SPOCK1: variants seen among roughly 807,000 people sequenced by gnomAD.
SPOCK1 encodes testican-1.
In SPOCK1, 23 loss-of-function variants were observed where a neutral mutation model predicts 55.3. The observed-to-expected ratio is 0.42, with a 90% CI of 0.30 to 0.59. The LOEUF (loss-of-function observed/expected upper bound fraction) is 0.59. SPOCK1 is among the 20% of genes least tolerant of loss of function. SPOCK1 has a pLI of 0.22. For synonymous variants in SPOCK1, 226 were observed against 221.0 expected (o/e 1.02, Z -0.20); for missense variants, 499 against 552.5 (o/e 0.90, Z 0.97).
chr5:137,275,133 C>T (rs147928942), intron 2 of SPOCK1, among the ~76,000 whole-genome samples: 3 of 152,334 alleles, frequency 2.0e-5, no homozygotes, highest in African/African-American at 4.8e-5. Flanking sequence ...CTCCTTGGCA[C>T]ACCAAACAAA....
At chr5:137,419,561 C>G (rs1389460473) in intron 2 of SPOCK1, among the ~76,000 whole-genome samples, 1 of 152,270 alleles carries the variant, frequency 6.6e-6, no homozygotes, top group Admixed American at 6.5e-5. Flanking sequence ...CTCTTTGAAG[C>G]CATTGTGAAT....
chr5:137,160,654 A>C (rs1453519518), intron 3 of SPOCK1, among the ~76,000 whole-genome samples: 1 of 104,504 alleles, frequency 9.6e-6, no homozygotes, highest in Non-Finnish European at 1.8e-5. Context: ...ATTTTATATA[A>C]TATACAATAT....
intron 5 of SPOCK1, among the ~76,000 whole-genome samples, chr5:137,101,231 T>C (rs2127025510): frequency 6.6e-6 from 1 of 152,384 alleles, no homozygotes; most frequent in African/African-American, 2.4e-5. Context: ...TTAATTAGGC[T>C]TATAGCACTG....
At chr5:137,266,943 T>C (rs934822521) in intron 3 of SPOCK1, 67 bp downstream of exon 3, 10 of 1,430,076 alleles carry the variant, frequency 7.0e-6, no homozygotes, top group African/African-American at 5.7e-5. Flanking sequence ...TAACTCAGCA[T>C]GCAAGGAAGG....
At chr5:137,232,794 G>T (rs1258982504) in intron 3 of SPOCK1, among the ~76,000 whole-genome samples, 1 of 152,180 alleles carries the variant, frequency 6.6e-6, no homozygotes, top group Non-Finnish European at 1.5e-5. Context: ...TCTTTACCAT[G>T]TTAAGTCTCC....
At chr5:137,320,066 T>C (rs1757955506) in intron 2 of SPOCK1, among the ~76,000 whole-genome samples, 1 of 151,994 alleles carries the variant, frequency 6.6e-6, no homozygotes, top group Admixed American at 6.5e-5. Context: ...AACAGCTACA[T>C]TGAAATGGGT....
chr5:137,273,977 G>A (rs535358091), intron 2 of SPOCK1, among the ~76,000 whole-genome samples: 2 of 152,276 alleles, frequency 1.3e-5, no homozygotes, highest in Non-Finnish European at 2.9e-5. Context: ...CCAACACAAA[G>A]AGCTCCCTCT....
At chr5:137,159,916 T>C (rs1201444165) in intron 3 of SPOCK1, among the ~76,000 whole-genome samples, 1 of 152,202 alleles carries the variant, frequency 6.6e-6, no homozygotes, top group African/African-American at 2.4e-5. Flanking sequence ...CTATATTTTA[T>C]TGGAAATCTG....
At chr5:137,050,427 CT>C (rs959798542) in intron 6 of SPOCK1, among the ~76,000 whole-genome samples, 3 of 149,380 alleles carry the variant, frequency 2.0e-5, no homozygotes, top group Admixed American at 6.7e-5. Flanking sequence ...TCACCCCTTT[CT>C]TTGACTCGGA....
chr5:137,262,185 G>A (rs775251700), intron 3 of SPOCK1, among the ~76,000 whole-genome samples: 3 of 152,088 alleles, frequency 2.0e-5, no homozygotes, highest in African/African-American at 7.2e-5. Flanking sequence ...TTTTACAACA[G>A]CTTTGTGGTT....
chr5:137,121,967 A>C (rs574238184), intron 4 of SPOCK1, among the ~76,000 whole-genome samples: 98 of 147,282 alleles, frequency 6.7e-4, no homozygotes, highest in African/African-American at 2.3e-3. Flanking sequence ...TATATATATG[A>C]TGTCCAAGGA....
intron 2 of SPOCK1, among the ~76,000 whole-genome samples, chr5:137,286,378 G>A (rs781642433): frequency 1.3e-5 from 2 of 152,146 alleles, no homozygotes; most frequent in African/African-American, 2.4e-5. Flanking sequence ...CCCTGGCCAC[G>A]AGAGTCCACA....
chr5:137,335,706 C>T (rs1750256444), intron 2 of SPOCK1, among the ~76,000 whole-genome samples: 2 of 152,194 alleles, frequency 1.3e-5, no homozygotes, highest in East Asian at 3.9e-4. Context: ...CTGTATGTGT[C>T]CCCAGAAAGG....
At chr5:137,297,244 A>G (rs1757507017) in intron 2 of SPOCK1, among the ~76,000 whole-genome samples, 1 of 152,166 alleles carries the variant, frequency 6.6e-6, no homozygotes, top group Non-Finnish European at 1.5e-5. Flanking sequence ...ATCTCCCTTT[A>G]ATTAAGACTG....
rs1304173531 is a variant in SPOCK1, at chr5:137,152,861, A to C, written c.233-12167T>G. On this transcript the variant is annotated intron_variant, in intron 3 of 10. Coordinates refer to ENST00000394945, the MANE Select transcript of SPOCK1 (RefSeq NM_004598.4). ...TTCATGTCTCTTGAGCCTTGACTGC[A>C]CTGCTCAATACAAAATACCATTCCA... 2.0e-5 allele frequency among the ~76,000 whole-genome samples: 3 copies of C among 152,208 alleles called. No individual in the cohort carries two copies. In the East Asian group the frequency reaches 5.8e-4, roughly 29 times the overall value.
intron 4 of SPOCK1, among the ~76,000 whole-genome samples, chr5:137,134,116 C>A (rs1057071169): frequency 6.6e-6 from 1 of 152,138 alleles, no homozygotes; most frequent in African/African-American, 2.4e-5. Flanking sequence ...TCTAATCTTC[C>A]CCTTACTGGC....
chr5:137,320,075 G>A (rs1757955653), intron 2 of SPOCK1, among the ~76,000 whole-genome samples: 1 of 152,118 alleles, frequency 6.6e-6, no homozygotes. Flanking sequence ...ATTGAAATGG[G>A]TAACAAAAAG....
intron 3 of SPOCK1, among the ~76,000 whole-genome samples, chr5:137,234,550 G>T (rs1756136320): frequency 1.3e-5 from 2 of 152,160 alleles, no homozygotes; most frequent in Non-Finnish European, 2.9e-5. Flanking sequence ...ATACGATCTT[G>T]TCCAGGCCAT....
intron 2 of SPOCK1, among the ~76,000 whole-genome samples, chr5:137,278,589 A>G (rs1450536857): frequency 6.6e-6 from 1 of 151,704 alleles, no homozygotes; most frequent in East Asian, 1.9e-4. Context: ...CAGAACCCAC[A>G]CTCCCAAAGG....
Sources: allele counts gnomAD v4.1 joint callset (sites outside exome capture counted in the v4.1 genomes callset), GRCh38; gene constraint gnomAD v4.1.1; transcripts MANE v1.5; gene names NCBI Gene and HGNC (gene_info 2026-07-23, HGNC 2026-07-21).